The following PPP4R1 variants were observed in gnomAD, a reference collection of about 807,000 sequenced individuals.
PPP4R1 encodes serine/threonine-protein phosphatase 4 regulatory subunit 1.
Under a neutral mutation model 111.2 loss-of-function variants are expected in PPP4R1, and 42 were observed. That is an observed-to-expected ratio of 0.38 (90% CI 0.29 to 0.49). The LOEUF (loss-of-function observed/expected upper bound fraction) is 0.49, where lower values mean the gene tolerates loss of function less well. Ranked by LOEUF, PPP4R1 falls within the 20% of genes least tolerant of loss-of-function variation. The probability of loss-of-function intolerance (pLI) is 0.97; values close to 1 mark genes in which losing one functional copy is unlikely to be tolerated. For missense variants in PPP4R1, 1,012 were observed against 1,161.6 expected (o/e 0.87, Z 1.87); for synonymous variants, 409 against 405.5 (o/e 1.01, Z -0.10).
At chr18:9,557,443 G>A in intron 14 of PPP4R1, 61 bp from the exon 15 acceptor site, 1 of 1,411,250 alleles carries the variant, frequency 7.1e-7, no homozygotes, top group South Asian at 1.5e-5. Context: ...TTAACCATTA[G>A]GCAATATACA....
chr18:9,569,371 C>G (rs572579332), intron 11 of PPP4R1, among the ~76,000 whole-genome samples: 3 of 152,134 alleles, frequency 2.0e-5, no homozygotes, highest in South Asian at 2.1e-4. Flanking sequence ...CCCCCACGCC[C>G]GAGACAGAGT....
In PPP4R1 at chr18:9,583,266, A is replaced by G. The variant is rs1224912371; in HGVS notation, c.769T>C (p.Phe257Leu). 1 of 1,569,938 alleles carries G rather than the reference A, an allele frequency of 6.4e-7. No individual in the cohort carries two copies. Among genetic ancestry groups the G allele is most frequent in the South Asian group, 1.2e-5 (1 of 85,498 alleles). The change falls in exon 9 of 20, where the codon TTT becomes CTT. Residue 257 changes from phenylalanine (F) to leucine (L), a missense_variant. Around this residue, in one of 2 missense-constraint regions of PPP4R1, gnomAD observed 707 missense variants for 742.1 expected, o/e 0.95. Coordinates refer to ENST00000400556, the MANE Select transcript of PPP4R1 (RefSeq NM_001042388.3). ...ACATTATCAGAACAAAGCTGGAAAA[A>G]TCTGGGCAGCTATGTGAAAAGGAAA... is the stretch of plus-strand genomic sequence containing the variant. Reference protein sequence around the residue: ...QATEEMLLPRFFQLCSDNVWG... With the variant: ...QATEEMLLPRLFQLCSDNVWG...
chr18:9,605,146 C>A (rs2067457079), intron 2 of PPP4R1, among the ~76,000 whole-genome samples: 1 of 152,172 alleles, frequency 6.6e-6, no homozygotes, highest in African/African-American at 2.4e-5. Context: ...AAATCGGCCA[C>A]ATTTTGTTTC....
Position 9,614,261 on chromosome 18 carries a change from A to G in PPP4R1, c.17T>C (p.Leu6Pro). The G allele has an allele frequency of 7.5e-7, 1 of 1,339,428 alleles. No homozygotes were observed. The allele number at this position is 1,339,428 out of a possible 1,614,324, so 83.0% of individuals were successfully genotyped here. Residue 6 changes from leucine to proline, a missense_variant, in exon 2 of 20, where the codon CTG becomes CCG. By Grantham distance (98) the Leu-to-Pro change is moderately conservative. Transcript: ENST00000400556. This position sits in a 1 kb window ranked among gnomAD's most constrained non-coding sequence, Gnocchi z 4.1. ...GTCCTCCTGCAGGTCCTCCTGAAGC[A>G]GCGAGAGGTCTGCGCCGAGGGGAGA... MADLS[L>P]LQEDLQEDAD...
At position 9,562,005 on chromosome 18, in the gene PPP4R1, T is replaced by A. The variant is rs1002044040; in HGVS notation, c.1817A>T (p.Asp606Val). 1.2e-6 allele frequency: 2 copies of A among 1,612,494 alleles called. No homozygotes were observed. The highest frequency in any genetic ancestry group is 4.5e-5 in the East Asian group (2 of 44,790). The change falls in exon 13 of 20, where the codon GAT becomes GTT. Residue 606 changes from aspartate (D) to valine (V), a missense_variant. Asp to Val is a radical substitution (Grantham distance 152, BLOSUM62 -3). Around this residue, in one of 2 missense-constraint regions of PPP4R1, gnomAD observed 707 missense variants for 742.1 expected, o/e 0.95. Transcript: ENST00000400556. The stretch of plus-strand genomic sequence containing the variant: ...TTGTACTTTAGTTCTCCTTTCCTCA[T>A]CAGGGCTAAAACTGCTATTGTTGCT... ...DLSNNSSFSP[D>V]EERRTKVQDV...
chr18:9,584,576 C>G lies in PPP4R1; in HGVS notation c.698G>C (p.Cys233Ser). 1.2e-6 allele frequency: 2 copies of G among 1,611,716 alleles called. No individual in the cohort carries two copies. Among genetic ancestry groups the G allele is most frequent in the Non-Finnish European group, 1.7e-6 (2 of 1,179,216 alleles). ...GCAAATATCTCCAAAATTGGCAGCA[C>G]AGACCTGACAACAAAAGCATCATTG... is the stretch of plus-strand genomic sequence containing the variant. ...DCRMFHVRKVCAANFGDICSV... is the reference protein window; with the variant it reads ...DCRMFHVRKVSAANFGDICSV... Residue 233 changes from cysteine (C) to serine (S), a missense_variant, in exon 8 of 20, where the codon TGT (cysteine) becomes TCT (serine). This residue lies in a region of PPP4R1 where 707 missense variants were observed against 742.1 expected (regional missense o/e 0.95). Coordinates refer to ENST00000400556, the MANE Select transcript of PPP4R1 (RefSeq NM_001042388.3).
chr18:9,569,400 G>T (rs1302447545), intron 11 of PPP4R1, among the ~76,000 whole-genome samples: 1 of 152,184 alleles, frequency 6.6e-6, no homozygotes, highest in African/African-American at 2.4e-5. Flanking sequence ...CGCCCAGGCT[G>T]CAGTGCAGTA....
Position 9,588,090 on chromosome 18 carries a change from G to A in PPP4R1, c.584C>T (p.Ala195Val). 1 of 1,613,540 alleles carries A rather than the reference G, an allele frequency of 6.2e-7. No individual in the cohort carries two copies. Among genetic ancestry groups the A allele is most frequent in the Non-Finnish European group, 8.5e-7 (1 of 1,179,814 alleles). Residue 195 changes from alanine to valine, a missense_variant and splice_region_variant, in exon 6 of 20, where the codon GCT (alanine) becomes GTT (valine). By Grantham distance (64) the Ala-to-Val change is moderately conservative. This residue lies in a region of PPP4R1 where 707 missense variants were observed against 742.1 expected (regional missense o/e 0.95). Coordinates refer to ENST00000400556, the MANE Select transcript of PPP4R1 (RefSeq NM_001042388.3). ...GTGGAAAAATGGCATTTGACTTACA[G>A]CCACAGCTTCTGTTTTCACATCATC... The part of the protein sequence containing the change: ...SNDDVKTEAV[A>V]IMCKMAPMVG...
rs184230313 is a variant in PPP4R1 at position 9,567,517 on chromosome 18, C to T, written c.1573+2640G>A. Among the ~76,000 whole-genome samples, 13 of 152,252 alleles carry T rather than the reference C, an allele frequency of 8.5e-5. No homozygotes were observed. The East Asian group carries it at 2.5e-3, about 29-fold the overall frequency. On this transcript the variant is annotated intron_variant, in intron 11 of 19. Coordinates refer to ENST00000400556, the MANE Select transcript of PPP4R1 (RefSeq NM_001042388.3). ...ACAGGCACATGGTCACTATATCCGG[C>T]TCTCCTGACCAAACTTGAACAAATG...
At position 9,588,122 on chromosome 18, in the gene PPP4R1, A is replaced by G. The variant is rs2067151045; in HGVS notation, c.552T>C (p.Asp184=). 1.9e-6 allele frequency: 3 copies of G among 1,614,004 alleles called. No homozygotes were observed. In the Admixed American group the frequency reaches 5.0e-5, roughly 27 times the overall value. ...CPVLIELTAP[D]SNDDVKTEAV... The stretch of plus-strand genomic sequence containing the variant: ...CTTCTGTTTTCACATCATCATTGCT[A>G]TCTGGGGCTGTCAGCTCTATGAGGA... The change falls in exon 6 of 20, where the codon GAT becomes GAC. Residue 184 remains aspartate, a synonymous_variant. Transcript: ENST00000400556.
intron 2 of PPP4R1, among the ~76,000 whole-genome samples, chr18:9,607,063 A>C (rs1409791190): frequency 6.6e-6 from 1 of 152,186 alleles, no homozygotes. Flanking sequence ...TAAATATAAA[A>C]GTGATCTACA....
chr18:9,588,641 T>C, intron 5 of PPP4R1, 70 bp downstream of exon 5: 1 of 1,390,272 alleles, frequency 7.2e-7, no homozygotes, highest in African/African-American at 1.5e-5. Context: ...AGAGAACACT[T>C]AGGCTCGGCT....
chr18:9,564,823 CT>C (rs35434912), intron 11 of PPP4R1, among the ~76,000 whole-genome samples: 49,407 of 141,554 alleles, frequency 0.35, 8,792 homozygotes, highest in Non-Finnish European at 0.42. Context: ...TACACTTTGG[CT>C]TTTTTTTTTT....
rs757465767 is a variant in PPP4R1, at chr18:9,557,312, G to A, written c.2099C>T (p.Ala700Val). Residue 700 changes from alanine to valine, a missense_variant, in exon 15 of 20, where the codon GCT becomes GTT. Around this residue, in one of 2 missense-constraint regions of PPP4R1, gnomAD observed 305 missense variants for 419.5 expected, o/e 0.73. Transcript: ENST00000400556. ...LAVILGDQLT[A>V]ADLVPIFNGF... ...ATTAAAAATTGGAACCAGATCTGCA[G>A]CTGTCAATTGATCTCCAAGAATAAC... is the stretch of plus-strand genomic sequence containing the variant. 1.9e-6 allele frequency: 3 copies of A among 1,613,004 alleles called. No individual in the cohort carries two copies. Among genetic ancestry groups the A allele is most frequent in the Non-Finnish European group, 2.5e-6 (3 of 1,179,544 alleles).
At chr18:9,548,073 G>T in intron 19 of PPP4R1, 121 bp from the exon 20 acceptor site, 1 of 996,552 alleles carries the variant, frequency 1.0e-6, no homozygotes, top group Non-Finnish European at 1.4e-6. Context: ...AAGCCACACT[G>T]AAACATAAAC....
At chr18:9,551,070 T>C (rs1224842477) in intron 16 of PPP4R1, 1 of 152,282 alleles carries the variant, frequency 6.6e-6, no homozygotes, top group Admixed American at 6.5e-5. Flanking sequence ...GCAGCAATGA[T>C]AAATGCACCT....
intron 13 of PPP4R1, among the ~76,000 whole-genome samples, chr18:9,561,258 TAATAA>T (rs1372778094): frequency 7.2e-6 from 1 of 139,730 alleles, no homozygotes; most frequent in African/African-American, 2.7e-5. Context: ...ATAATAATAA[TAATAA>T]AGTCATAGAA....
chr18:9,602,471 G>A (rs977993683), intron 2 of PPP4R1, among the ~76,000 whole-genome samples: 14 of 151,298 alleles, frequency 9.3e-5, no homozygotes, highest in Non-Finnish European at 1.8e-4. Context: ...GCATGAACCC[G>A]GGAGGCGGAG....
chr18:9,590,743 C>G (rs2067197256), intron 4 of PPP4R1, among the ~76,000 whole-genome samples: 1 of 151,612 alleles, frequency 6.6e-6, no homozygotes, highest in South Asian at 2.1e-4. Flanking sequence ...TGAATAAATT[C>G]CAGGTGGAAT....
Sources: gnomAD v4.1 joint callset for allele counts (sites outside exome capture counted in the v4.1 genomes callset) on GRCh38, gnomAD v4.1.1 for gene constraint, gnomAD v4.1.1 regional missense constraint, Gnocchi (gnomAD v3.1) non-coding constraint, MANE v1.5 for transcripts, NCBI Gene and HGNC (gene_info 2026-07-23, HGNC 2026-07-21) for gene names.